The following UIMC1 variants were observed in gnomAD, a reference collection of about 807,000 sequenced individuals.
The protein encoded by UIMC1 is BRCA1-A complex subunit RAP80.
In UIMC1, 42 loss-of-function variants were observed where a neutral mutation model predicts 84.9. The observed-to-expected ratio is 0.49, with a 90% confidence interval of 0.39 to 0.64. The LOEUF (loss-of-function observed/expected upper bound fraction) is 0.64. Among genes scored for constraint, UIMC1 ranks in the 30% least tolerant of loss-of-function variants. The pLI is 0.00. For synonymous variants in UIMC1, 281 were observed against 293.0 expected (o/e 0.96, Z 0.42); for missense variants, 825 against 847.6 (o/e 0.97, Z 0.33).
chr5:176,999,189 AATC>A (rs1774084016), intron 1 of UIMC1, among the ~76,000 whole-genome samples: 1 of 152,122 alleles, frequency 6.6e-6, no homozygotes, highest in Non-Finnish European at 1.5e-5. Context: ...TAATAATAAT[AATC>A]CTCAAAAAAA....
chr5:176,936,907 C>CTTGAAATA, intron 10 of UIMC1, among the ~76,000 whole-genome samples: 1 of 152,320 alleles, frequency 6.6e-6, no homozygotes, highest in Admixed American at 6.5e-5. Flanking sequence ...CTTATCACCA[C>CTTGAAATA]TTGAAATATT....
chr5:176,988,493 T>C (rs1772351727), intron 1 of UIMC1, among the ~76,000 whole-genome samples: 1 of 152,046 alleles, frequency 6.6e-6, no homozygotes. Flanking sequence ...GAAAGCAGAT[T>C]AGTGATTACC....
In UIMC1 at chr5:177,015,173, G is replaced by A. The variant is rs565987279; in HGVS notation, c.-9+7291C>T. On this transcript the variant is annotated intron_variant, in intron 1 of 5. Coordinates refer to the UIMC1 transcript ENST00000509236. Reference sequence around the variant, plus strand: ...CCAAGCAATGTGCTAAGTAGTTTACGGAGATTATATTAGTTAATCTTCACA... The same window carrying A: ...CCAAGCAATGTGCTAAGTAGTTTACAGAGATTATATTAGTTAATCTTCACA... Among the ~76,000 whole-genome samples, 12 of 152,216 alleles carry A rather than the reference G, an allele frequency of 7.9e-5. 1 individual carries two copies. The South Asian group carries it at 1.9e-3, about 24-fold the overall frequency.
At chr5:176,953,791 A>AAGTG (rs200158050) in intron 8 of UIMC1, among the ~76,000 whole-genome samples, 1,630 of 152,278 alleles carry the variant, frequency 0.011, 10 homozygotes, top group South Asian at 0.025. Flanking sequence ...TTCTTCAACT[A>AAGTG]AGTAACACTA....
chr5:176,914,747 CAG>C (rs1056983970), intron 10 of UIMC1, among the ~76,000 whole-genome samples: 15 of 152,170 alleles, frequency 9.9e-5, no homozygotes, highest in African/African-American at 3.4e-4. Flanking sequence ...AGCGGGGAAT[CAG>C]ATTATATAGT....
chr5:177,007,605 T>C (rs556498622), upstream of UIMC1, among the ~76,000 whole-genome samples: 250 of 152,304 alleles, frequency 1.6e-3, 1 homozygote, highest in African/African-American at 5.7e-3. Context: ...CCAACAAATA[T>C]GTACACTGTG....
chr5:176,951,349 T>A, intron 9 of UIMC1, 125 bp downstream of exon 9: 1 of 617,956 alleles, frequency 1.6e-6, no homozygotes, highest in Non-Finnish European at 2.7e-6. Context: ...CTCCCTAACA[T>A]AAGGGCCCCC....
chr5:177,001,951 CAAA>C (rs34048093), intron 1 of UIMC1: 868 of 62,526 alleles, frequency 0.014, 4 homozygotes, highest in Middle Eastern at 0.036. Context: ...CTCTGTTTCC[CAAA>C]AAAAAAAAAA....
intron 12 of UIMC1, 97 bp downstream of exon 12, chr5:176,908,426 G>A (rs890141495): frequency 1.7e-6 from 2 of 1,211,942 alleles, no homozygotes; most frequent in South Asian, 2.2e-5. Flanking sequence ...AGGGAAGAGG[G>A]GAGGGAGAAG....
chr5:176,935,934 C>T (rs1005970093), intron 10 of UIMC1, among the ~76,000 whole-genome samples: 57 of 152,270 alleles, frequency 3.7e-4, no homozygotes, highest in African/African-American at 1.3e-3. Context: ...CTAGCAGTAT[C>T]CTGACTCTAA....
intron 2 of UIMC1, among the ~76,000 whole-genome samples, chr5:176,982,179 T>C (rs542838221): frequency 3.9e-5 from 6 of 152,316 alleles, no homozygotes; most frequent in Admixed American, 3.9e-4. Context: ...TCTAGACACA[T>C]GAAAACTAAG....
intron 8 of UIMC1, among the ~76,000 whole-genome samples, 174 bp from the exon 9 acceptor site, chr5:176,951,751 A>G (rs1765908577): frequency 6.6e-6 from 1 of 152,248 alleles, no homozygotes; most frequent in African/African-American, 2.4e-5. Context: ...TAATTTACAA[A>G]TAACAGAATT....
At chr5:176,973,901 G>GA (rs1259180438) in intron 3 of UIMC1, among the ~76,000 whole-genome samples, 2 of 150,920 alleles carry the variant, frequency 1.3e-5, no homozygotes, top group African/African-American at 2.4e-5. Context: ...CAAAAAGAAA[G>GA]AAAAAAAAAT....
At chr5:176,990,097 C>T (rs113779176) in intron 1 of UIMC1, among the ~76,000 whole-genome samples, 6 of 151,650 alleles carry the variant, frequency 4.0e-5, no homozygotes, top group Admixed American at 2.6e-4. Context: ...AGGAGAATGG[C>T]GTGAACCCGG....
At chr5:176,959,887 C>T (rs1256659069) in intron 6 of UIMC1, among the ~76,000 whole-genome samples, 3 of 152,020 alleles carry the variant, frequency 2.0e-5, no homozygotes, top group East Asian at 1.9e-4. Flanking sequence ...CAAAATTAGC[C>T]GGGCATGGTG....
At chr5:176,984,074 G>GCCA (rs1771531056) in intron 1 of UIMC1, among the ~76,000 whole-genome samples, 1 of 106,764 alleles carries the variant, frequency 9.4e-6, no homozygotes. Flanking sequence ...CTGCCCGGCC[G>GCCA]CCCCGTCTGG....
chr5:176,953,888 A>C (rs969511067), intron 8 of UIMC1, among the ~76,000 whole-genome samples: 2 of 152,282 alleles, frequency 1.3e-5, no homozygotes, highest in East Asian at 3.9e-4. Context: ...ACTACACTAA[A>C]TATGTGTTTC....
At chr5:176,919,600 G>A (rs1323719218) in intron 10 of UIMC1, among the ~76,000 whole-genome samples, 1 of 151,980 alleles carries the variant, frequency 6.6e-6, no homozygotes, top group African/African-American at 2.4e-5. Context: ...ACTTACCAGT[G>A]TGTACCACTG....
At chr5:176,982,958 C>G (rs1771280012) in intron 1 of UIMC1, among the ~76,000 whole-genome samples, 1 of 152,188 alleles carries the variant, frequency 6.6e-6, no homozygotes, top group Non-Finnish European at 1.5e-5. Flanking sequence ...GTCAGCCTCC[C>G]ATAGTGCTGA....
Sources: allele counts gnomAD v4.1 joint callset (sites outside exome capture counted in the v4.1 genomes callset), GRCh38; gene constraint gnomAD v4.1.1; transcripts MANE v1.5; gene names NCBI Gene and HGNC (gene_info 2026-07-23, HGNC 2026-07-21).